Variants in ST6GALNAC3 observed in about 807,000 individuals in gnomAD.
ST6GALNAC3 encodes the protein alpha-N-acetylgalactosaminide alpha-2,6-sialyltransferase 3.
A neutral mutation model predicts 32.7 loss-of-function variants in ST6GALNAC3; 25 were observed. The observed-to-expected ratio is 0.76, with a 90% confidence interval of 0.56 to 1.07. ST6GALNAC3 has a LOEUF of 1.07. ST6GALNAC3 is among the 50% of genes least tolerant of loss of function. The probability of loss-of-function intolerance (pLI) is 0.00; values close to 1 mark genes in which losing one functional copy is unlikely to be tolerated. For synonymous variants in ST6GALNAC3, 129 were observed against 133.1 expected (o/e 0.97, Z 0.21); for missense variants, 355 against 382.4 (o/e 0.93, Z 0.60).
chr1:76,152,229 G>A (rs1023006989), intron 1 of ST6GALNAC3, among the ~76,000 whole-genome samples: 3 of 152,196 alleles, frequency 2.0e-5, no homozygotes, highest in African/African-American at 7.2e-5. Flanking sequence ...TGTTGTAAGT[G>A]TTTACCTGGG....
At chr1:76,191,715 C>T (rs912133469) in intron 1 of ST6GALNAC3, among the ~76,000 whole-genome samples, 6 of 151,914 alleles carry the variant, frequency 3.9e-5, no homozygotes, top group Admixed American at 2.0e-4. Context: ...TGGCTGAGGT[C>T]CCTGGGGAGC....
At chr1:76,259,124 AG>A (rs1365626168) in intron 1 of ST6GALNAC3, among the ~76,000 whole-genome samples, 2 of 152,198 alleles carry the variant, frequency 1.3e-5, no homozygotes, top group African/African-American at 4.8e-5. Flanking sequence ...GAATCATGAC[AG>A]CTGAAATGGT....
intron 1 of ST6GALNAC3, among the ~76,000 whole-genome samples, chr1:76,208,762 A>T (rs894365118): frequency 9.2e-5 from 14 of 152,128 alleles, no homozygotes; most frequent in African/African-American, 2.9e-4. Context: ...TTCCAGTCAC[A>T]CTGTTCTTGG....
At chr1:76,096,158 G>A (rs993003781) in intron 1 of ST6GALNAC3, among the ~76,000 whole-genome samples, 4 of 152,154 alleles carry the variant, frequency 2.6e-5, no homozygotes, top group African/African-American at 7.2e-5. Flanking sequence ...TTAAGTTTGC[G>A]GGGAGATGGA....
chr1:76,489,099 A>G (rs550952147), intron 3 of ST6GALNAC3, among the ~76,000 whole-genome samples: 20 of 152,288 alleles, frequency 1.3e-4, no homozygotes, highest in African/African-American at 4.8e-4. Flanking sequence ...ACTTGGAAAA[A>G]AGTAGTTGTT....
chr1:76,390,876 A>T (rs1652477412), intron 2 of ST6GALNAC3, among the ~76,000 whole-genome samples: 1 of 150,132 alleles, frequency 6.7e-6, no homozygotes, highest in Non-Finnish European at 1.5e-5. Context: ...TGTAAAACAA[A>T]ATGGCACATT....
At chr1:76,537,583 G>A (rs574536921) in intron 3 of ST6GALNAC3, among the ~76,000 whole-genome samples, 2 of 151,970 alleles carry the variant, frequency 1.3e-5, no homozygotes, top group South Asian at 4.2e-4. Flanking sequence ...TAATAAAGAG[G>A]AAAAGAGAGA....
At chr1:76,118,236 G>A (rs777861305) in intron 1 of ST6GALNAC3, among the ~76,000 whole-genome samples, 1 of 152,020 alleles carries the variant, frequency 6.6e-6, no homozygotes, top group South Asian at 2.1e-4. Flanking sequence ...GAGAACATGC[G>A]GTGTTGGGTT....
chr1:76,476,855 C>T (rs1659389949), intron 3 of ST6GALNAC3, among the ~76,000 whole-genome samples: 1 of 152,186 alleles, frequency 6.6e-6, no homozygotes. Context: ...TTGAATAGCC[C>T]TTCATGAGCA....
chr1:76,508,633 G>T (rs1661634026), intron 3 of ST6GALNAC3, among the ~76,000 whole-genome samples: 1 of 152,052 alleles, frequency 6.6e-6, no homozygotes, highest in Non-Finnish European at 1.5e-5. Flanking sequence ...AGAGACTTCG[G>T]GAAGGGTAGT....
chr1:76,539,779 A>G (rs1455012835), intron 3 of ST6GALNAC3, among the ~76,000 whole-genome samples: 1 of 152,238 alleles, frequency 6.6e-6, no homozygotes, highest in East Asian at 1.9e-4. Context: ...TGATCATCAG[A>G]GAAATGCAAA....
chr1:76,216,775 G>A (rs894312396), intron 1 of ST6GALNAC3, among the ~76,000 whole-genome samples: 6 of 152,160 alleles, frequency 3.9e-5, no homozygotes, highest in Non-Finnish European at 7.3e-5. Context: ...TTTGTGTACA[G>A]TAAAGGTCAA....
chr1:76,571,729 T>C (rs1454405839), intron 3 of ST6GALNAC3, among the ~76,000 whole-genome samples: 2 of 152,112 alleles, frequency 1.3e-5, no homozygotes, highest in African/African-American at 4.8e-5. Flanking sequence ...TGAGTGAATT[T>C]ATTATCATCC....
At position 76,133,837 on chromosome 1, in the gene ST6GALNAC3, T is replaced by G. The variant is rs77464637; in HGVS notation, c.18+58953T>G. Among the ~76,000 whole-genome samples, 385 of 152,262 alleles carry G rather than the reference T, an allele frequency of 2.5e-3. 2 individuals are homozygous for G. Among genetic ancestry groups the G allele is most frequent in the African/African-American group, 9.0e-3 (373 of 41,526 alleles). On this transcript the variant is annotated intron_variant, in intron 1 of 4. Transcript: ENST00000328299. ...CAGGTTTGGAGTCACCAAGAAGGAC[T>G]CCATGCACAAGGGCTGGTTGGAAAA...
At chr1:76,143,177 G>T (rs922482083) in intron 1 of ST6GALNAC3, among the ~76,000 whole-genome samples, 2 of 152,028 alleles carry the variant, frequency 1.3e-5, no homozygotes, top group Admixed American at 6.6e-5. Flanking sequence ...GGCAGTAAAG[G>T]GTTTAAAACT....
intron 1 of ST6GALNAC3, among the ~76,000 whole-genome samples, chr1:76,154,351 AGGTTGTTT>A (rs1005598009): frequency 1.1e-4 from 17 of 152,232 alleles, no homozygotes; most frequent in Non-Finnish European, 2.2e-4. Flanking sequence ...GGGAACACTC[AGGTTGTTT>A]CTTAGTGAAG....
intron 3 of ST6GALNAC3, among the ~76,000 whole-genome samples, chr1:76,441,575 T>C (rs1656610472): frequency 6.6e-6 from 1 of 152,222 alleles, no homozygotes; most frequent in Non-Finnish European, 1.5e-5. Flanking sequence ...TACAGCATGA[T>C]GAATAGGGTA....
intron 3 of ST6GALNAC3, among the ~76,000 whole-genome samples, chr1:76,456,375 C>T (rs1003134390): frequency 1.3e-5 from 2 of 151,792 alleles, no homozygotes; most frequent in Non-Finnish European, 2.9e-5. Flanking sequence ...GAGTCGGAGT[C>T]TCATTCTGTT....
At chr1:76,159,401 C>G (rs2100368903) in intron 1 of ST6GALNAC3, among the ~76,000 whole-genome samples, 1 of 152,278 alleles carries the variant, frequency 6.6e-6, no homozygotes, top group Middle Eastern at 3.4e-3. Context: ...CCAGGCTGGT[C>G]TCGAACTCCT....
Sources: gnomAD v4.1 joint callset for allele counts (sites outside exome capture counted in the v4.1 genomes callset) on GRCh38, gnomAD v4.1.1 for gene constraint, MANE v1.5 for transcripts, NCBI Gene and HGNC (gene_info 2026-07-23, HGNC 2026-07-21) for gene names.